PTPRG: variants seen among roughly 807,000 people sequenced by gnomAD.
PTPRG encodes receptor-type tyrosine-protein phosphatase gamma.
In PTPRG, 102 loss-of-function variants were observed where a neutral mutation model predicts 165.3. The observed-to-expected ratio is 0.62, with a 90% CI of 0.53 to 0.73. The LOEUF is 0.73. PTPRG is among the 30% of genes least tolerant of loss of function. PTPRG has a pLI of 0.00. For missense variants in PTPRG, 1,866 were observed against 1,861.4 expected (o/e 1.00, Z -0.05); for synonymous variants, 675 against 669.5 (o/e 1.01, Z -0.13).
intron 1 of PTPRG, among the ~76,000 whole-genome samples, chr3:61,737,661 C>T (rs1209413402): frequency 1.3e-5 from 2 of 152,026 alleles, no homozygotes; most frequent in African/African-American, 4.8e-5. Flanking sequence ...GAATGAGGTC[C>T]ACCCCCTTCA....
chr3:61,857,660 A>T (rs1408990769), intron 2 of PTPRG, among the ~76,000 whole-genome samples: 1 of 152,246 alleles, frequency 6.6e-6, no homozygotes, highest in Non-Finnish European at 1.5e-5. Flanking sequence ...TACCTGACCA[A>T]CATGGGTTTA....
chr3:62,242,346 C>T (rs1265206165), intron 14 of PTPRG, among the ~76,000 whole-genome samples: 1 of 152,152 alleles, frequency 6.6e-6, no homozygotes, highest in African/African-American at 2.4e-5. Context: ...GCTCATTTTT[C>T]TTCAGTGCTC....
intron 23 of PTPRG, 40 bp from the exon 24 acceptor site, chr3:62,275,833 A>G (rs532366535): frequency 4.8e-6 from 7 of 1,457,432 alleles, no homozygotes; most frequent in Non-Finnish European, 6.6e-6. Flanking sequence ...GCTATCAATT[A>G]TATCTTTGAA....
chr3:62,170,490 G>C lies in PTPRG; in HGVS notation c.1033+2327G>C, dbSNP rs575907686. 3.3e-5 allele frequency among the ~76,000 whole-genome samples: 5 copies of C among 152,254 alleles called. No homozygotes were observed. The East Asian group carries it at 9.7e-4, about 29-fold the overall frequency. ...AAGCATATGATATATCAGCTGTACA[G>C]AGAAAATGCATGGCCTTTATTATCC... is the stretch of plus-strand genomic sequence containing the variant. On this transcript the variant is annotated intron_variant, in intron 8 of 29. Transcript: ENST00000474889.
At chr3:61,828,254 G>T (rs2036170028) in intron 2 of PTPRG, among the ~76,000 whole-genome samples, 1 of 152,200 alleles carries the variant, frequency 6.6e-6, no homozygotes. Flanking sequence ...TAGCAAAGGA[G>T]TAAGTTATTT....
chr3:62,166,849 C>T (rs1229427782), intron 7 of PTPRG, among the ~76,000 whole-genome samples: 1 of 151,866 alleles, frequency 6.6e-6, no homozygotes, highest in Non-Finnish European at 1.5e-5. Context: ...CCACCATGCC[C>T]GGCTGATTTG....
chr3:61,600,190 A>ATGTGTGTGTG (rs1293051250), intron 1 of PTPRG, among the ~76,000 whole-genome samples: 2,038 of 118,046 alleles, frequency 0.017, 39 homozygotes, highest in Non-Finnish European at 0.027. Flanking sequence ...ATATATATAT[A>ATGTGTGTGTG]TATGTGTGTG....
At chr3:61,625,272 C>G (rs1388471105) in intron 1 of PTPRG, among the ~76,000 whole-genome samples, 1 of 139,126 alleles carries the variant, frequency 7.2e-6, no homozygotes, top group Admixed American at 7.4e-5. Context: ...GTAACATTAT[C>G]AGTCAAACTT....
intron 28 of PTPRG, among the ~76,000 whole-genome samples, chr3:62,285,794 G>A (rs545126612): frequency 1.3e-5 from 2 of 152,200 alleles, no homozygotes; most frequent in Admixed American, 1.3e-4. Flanking sequence ...AGTCTTATAA[G>A]ACAGCTGTAG....
At chr3:61,815,592 G>T (rs1447028203) in intron 2 of PTPRG, among the ~76,000 whole-genome samples, 2 of 152,076 alleles carry the variant, frequency 1.3e-5, no homozygotes, top group African/African-American at 4.8e-5. Context: ...AGATTGTAGG[G>T]ACCCAGATGA....
chr3:61,603,262 C>G (rs1353537683), intron 1 of PTPRG, among the ~76,000 whole-genome samples: 1 of 152,156 alleles, frequency 6.6e-6, no homozygotes, highest in Non-Finnish European at 1.5e-5. Context: ...ATTCAGCATG[C>G]TGGAGGTGGG....
chr3:62,030,390 G>A (rs1343591432), intron 4 of PTPRG, among the ~76,000 whole-genome samples: 1 of 152,102 alleles, frequency 6.6e-6, no homozygotes, highest in African/African-American at 2.4e-5. Context: ...ACTTTTAGAG[G>A]TAGGGAGGAA....
Position 61,673,051 on chromosome 3 carries a change from C to T in PTPRG, c.86-75827C>T, listed in dbSNP as rs542667298. On this transcript the variant is annotated intron_variant, in intron 1 of 29. Coordinates refer to ENST00000474889, the MANE Select transcript of PTPRG (RefSeq NM_002841.4). ...GTGCGTGCCCGTAGTCCTAGCTACT[C>T]GGAGAGACTGAGGTGGAGTGTATCA... 4.4e-4 allele frequency among the ~76,000 whole-genome samples: 67 copies of T among 152,076 alleles called. 1 individual carries two copies. The highest frequency in any genetic ancestry group is 6.8e-3 in the Middle Eastern group (2 of 294).
intron 6 of PTPRG, among the ~76,000 whole-genome samples, chr3:62,141,737 TA>T (rs35175964): frequency 0.12 from 17,304 of 139,632 alleles, 1,193 homozygotes; most frequent in East Asian, 0.37. Context: ...CTGTCTCTAC[TA>T]AAAAAAAAAA....
intron 2 of PTPRG, among the ~76,000 whole-genome samples, chr3:61,895,174 T>G (rs1324010041): frequency 6.6e-6 from 1 of 152,180 alleles, no homozygotes; most frequent in African/African-American, 2.4e-5. Flanking sequence ...CTCATGCGTA[T>G]GAGTCACTTC....
chr3:62,207,353 GT>G, intron 12 of PTPRG, among the ~76,000 whole-genome samples: 1 of 152,340 alleles, frequency 6.6e-6, no homozygotes, highest in East Asian at 1.9e-4. Flanking sequence ...CTGTTGATTA[GT>G]AAAGGACGTG....
intron 2 of PTPRG, among the ~76,000 whole-genome samples, chr3:61,891,364 T>C (rs768433699): frequency 5.3e-5 from 8 of 152,174 alleles, no homozygotes; most frequent in Non-Finnish European, 1.2e-4. Flanking sequence ...CATCCTACCC[T>C]GCGTTTGATC....
intron 16 of PTPRG, among the ~76,000 whole-genome samples, chr3:62,256,928 A>C (rs1028973377): frequency 2.6e-5 from 4 of 152,180 alleles, no homozygotes; most frequent in African/African-American, 9.7e-5. Flanking sequence ...CTGTCCTAAA[A>C]AAATATACTG....
intron 1 of PTPRG, among the ~76,000 whole-genome samples, chr3:61,583,412 A>G (rs1281028555): frequency 3.9e-5 from 6 of 152,184 alleles, no homozygotes; most frequent in Admixed American, 3.9e-4. Context: ...CATCTATAAG[A>G]TGGGATGATG....
Sources: allele counts gnomAD v4.1 joint callset (sites outside exome capture counted in the v4.1 genomes callset), GRCh38; gene constraint gnomAD v4.1.1; transcripts MANE v1.5; gene names NCBI Gene and HGNC (gene_info 2026-07-23, HGNC 2026-07-21).